NRP2: variants seen among roughly 807,000 people sequenced by gnomAD.
NRP2 encodes the protein neuropilin-2.
NRP2 carries 52 observed loss-of-function variants against 110.4 expected under a neutral mutation model. The ratio of observed to expected loss-of-function variants is 0.47; its 90% CI spans 0.38 to 0.59. The LOEUF is 0.59. NRP2 is among the 20% of genes least tolerant of loss of function. The pLI is 0.00. For missense variants in NRP2, 1,049 were observed against 1,203.0 expected, an observed-to-expected ratio of 0.87 and a Z score of 1.89; for synonymous variants, 508 against 468.9, an observed-to-expected ratio of 1.08 and a Z score of -1.08.
At chr2:205,753,013 G>T (rs2057675206) in intron 12 of NRP2, 38 bp downstream of exon 12, 2 of 1,611,806 alleles carry the variant, frequency 1.2e-6, no homozygotes, top group African/African-American at 1.3e-5. Flanking sequence ...AAGAGTTAAG[G>T]CCAGCTTGTT....
At chr2:205,765,697 T>C in intron 14 of NRP2, 127 bp downstream of exon 14, 1 of 837,736 alleles carries the variant, frequency 1.2e-6, no homozygotes, top group Non-Finnish European at 2.1e-6. Context: ...CCACAGTCTC[T>C]GCAAGGTAAG....
Position 205,745,872 on chromosome 2 carries a change from C to G in NRP2, c.1768C>G (p.Leu590Val), listed in dbSNP as rs1328390148. Residue 590 changes from leucine (L) to valine (V), a missense_variant, in exon 10 of 17, where the codon CTG becomes GTG. By Grantham distance (32) the Leu-to-Val change is conservative. Coordinates refer to ENST00000357785, the MANE Select transcript of NRP2 (RefSeq NM_003872.3). ...PAGIGMRLEV[L>V]GCDWTDSKPT... is the part of the protein sequence containing the mutation. ...GGGGATTGGGATGCGGCTGGAGGTGCTGGGCTGTGACTGGACAGGTAAGAT... is the reference window on the plus strand; with the variant it reads ...GGGGATTGGGATGCGGCTGGAGGTGGTGGGCTGTGACTGGACAGGTAAGAT... 1 of 1,614,202 alleles carries G rather than the reference C, an allele frequency of 6.2e-7. No individual in the cohort carries two copies. The highest frequency in any genetic ancestry group is 8.5e-7 in the Non-Finnish European group (1 of 1,180,022).
At chr2:205,703,905 G>A (rs1157622297) in intron 2 of NRP2, among the ~76,000 whole-genome samples, 2 of 152,324 alleles carry the variant, frequency 1.3e-5, no homozygotes, top group Middle Eastern at 3.4e-3. Context: ...TTTTCCCGGT[G>A]AAGAGGTGCC....
chr2:205,704,771 G>C (rs978640419), intron 2 of NRP2, among the ~76,000 whole-genome samples: 5 of 152,178 alleles, frequency 3.3e-5, no homozygotes, highest in African/African-American at 1.2e-4. Flanking sequence ...TTTATCTTCT[G>C]ACTGAGAAAA....
At chr2:205,716,490 G>A in intron 3 of NRP2, 116 bp downstream of exon 3, 1 of 1,015,878 alleles carries the variant, frequency 9.8e-7, no homozygotes, top group Non-Finnish European at 1.5e-6. Flanking sequence ...GCTTGAGCAT[G>A]GTGAGAGGTT....
At chr2:205,723,756 A>G (rs748019509) in intron 4 of NRP2, 29 bp from the exon 5 acceptor site, 1 of 1,613,550 alleles carries the variant, frequency 6.2e-7, no homozygotes, top group Admixed American at 1.7e-5. Context: ...TTTGATTTCC[A>G]CTGACTTCTC....
chr2:205,727,849 G>A (rs147233538), intron 6 of NRP2, 42 bp from the exon 7 acceptor site: 24,720 of 1,589,230 alleles, frequency 0.016, 267 homozygotes, highest in Middle Eastern at 0.024. Flanking sequence ...ACTGCCCTGT[G>A]TTGGGAATGG....
rs575721297 is a variant in NRP2 at position 205,743,064 on chromosome 2, C to T, written c.1292-139C>T. On this transcript the variant is annotated intron_variant, in intron 8 of 16. Transcript: ENST00000357785. ...CCAGGCTCTTAACCACAGTGCTGTA[C>T]ACATTCACCATGCAAAGAAATTAGT... The T allele has an allele frequency of 2.9e-5, 44 of 1,526,676 alleles. 1 individual carries two copies. The South Asian group carries it at 4.9e-4, about 17-fold the overall frequency. The allele number at this position is 1,526,676 out of a possible 1,614,324, so 94.6% of individuals were successfully genotyped here.
At chr2:205,708,291 T>C (rs2056725794) in intron 2 of NRP2, among the ~76,000 whole-genome samples, 1 of 152,196 alleles carries the variant, frequency 6.6e-6, no homozygotes, top group Admixed American at 6.5e-5. Flanking sequence ...AACCATTCCT[T>C]ACATAAGCAA....
chr2:205,755,257 T>C (rs1234377515), intron 12 of NRP2, among the ~76,000 whole-genome samples: 1 of 152,178 alleles, frequency 6.6e-6, no homozygotes. Flanking sequence ...GCTCACAAAG[T>C]GGGCAGAATT....
At chr2:205,696,014 C>T (rs953900) in intron 1 of NRP2, among the ~76,000 whole-genome samples, 53,753 of 151,976 alleles carry the variant, frequency 0.35, 10,389 homozygotes, top group African/African-American at 0.49. Context: ...CCTGAGGAAA[C>T]GGCTGCTTTT....
rs147919892 is a variant in NRP2 at position 205,725,369 on chromosome 2, G to A, written c.821-544G>A. Among the ~76,000 whole-genome samples, 10 of 152,288 alleles carry A rather than the reference G, an allele frequency of 6.6e-5. 1 individual carries two copies. In the East Asian group the frequency reaches 1.4e-3, roughly 21 times the overall value. On this transcript the variant is annotated intron_variant, in intron 5 of 16. Transcript: ENST00000357785. The surrounding 1 kb of genome is among the most constrained non-coding windows in gnomAD (Gnocchi z 4.1). Reference sequence around the variant, plus strand: ...GTCTATTTGTCCAGACAGGTGGTGCGGGGGAATAGAGAGTGACATGCATGT... The same window carrying A: ...GTCTATTTGTCCAGACAGGTGGTGCAGGGGAATAGAGAGTGACATGCATGT...
chr2:205,747,321 C>G (rs2057556161), intron 10 of NRP2, among the ~76,000 whole-genome samples: 1 of 152,168 alleles, frequency 6.6e-6, no homozygotes. Context: ...GCTGCATAAC[C>G]TCAGAAAAGT....
At chr2:205,727,852 G>A (rs1376694930) in intron 6 of NRP2, 39 bp from the exon 7 acceptor site, 1 of 1,592,574 alleles carries the variant, frequency 6.3e-7, no homozygotes, top group Admixed American at 1.7e-5. Flanking sequence ...GCCCTGTGTT[G>A]GGAATGGTGG....
intron 15 of NRP2, among the ~76,000 whole-genome samples, chr2:205,790,263 C>A (rs1376456147): frequency 6.6e-6 from 1 of 152,228 alleles, no homozygotes; most frequent in Non-Finnish European, 1.5e-5. Context: ...CCTCCAGAGA[C>A]AAGAGGCCGT....
intron 11 of NRP2, 121 bp downstream of exon 11, chr2:205,749,962 G>A (rs976973592): frequency 5.0e-6 from 4 of 799,506 alleles, no homozygotes; most frequent in Non-Finnish European, 8.6e-6. Flanking sequence ...TCAAAGAAGT[G>A]GTAAGAGAGG....
At chr2:205,777,222 T>A in intron 15 of NRP2, 14 of 854,394 alleles carry the variant, frequency 1.6e-5, no homozygotes, top group Non-Finnish European at 2.0e-5. Flanking sequence ...AGAGGCCACA[T>A]GGGATGCAGT....
At chr2:205,754,197 C>G (rs971467333) in intron 12 of NRP2, among the ~76,000 whole-genome samples, 3 of 152,066 alleles carry the variant, frequency 2.0e-5, no homozygotes, top group African/African-American at 7.2e-5. Flanking sequence ...TTTAGTAGAT[C>G]AGTTTGCCAG....
At chr2:205,790,967 G>C (rs3770992) in intron 15 of NRP2, among the ~76,000 whole-genome samples, 125,672 of 152,210 alleles carry the variant, frequency 0.83, 52,405 homozygotes, top group South Asian at 0.9. Context: ...CCCTTACTAG[G>C]GACCGAGGGG....
Sources: gnomAD v4.1 joint callset for allele counts (sites outside exome capture counted in the v4.1 genomes callset) on GRCh38, gnomAD v4.1.1 for gene constraint, Gnocchi (gnomAD v3.1) non-coding constraint, MANE v1.5 for transcripts, NCBI Gene and HGNC (gene_info 2026-07-23, HGNC 2026-07-21) for gene names.